The following TMEM266 variants were observed in gnomAD, a reference collection of about 807,000 sequenced individuals.
TMEM266 encodes the protein transmembrane protein 266.
A neutral mutation model predicts 50.5 loss-of-function variants in TMEM266; 33 were observed. The ratio of observed to expected loss-of-function variants is 0.65; its 90% CI spans 0.50 to 0.87. TMEM266 has a LOEUF of 0.87. Ranked by LOEUF, TMEM266 falls within the 40% of genes least tolerant of loss-of-function variation. The pLI, the probability that TMEM266 is intolerant of heterozygous loss-of-function variation, is 0.00. For missense variants in TMEM266, 655 were observed against 695.1 expected, an observed-to-expected ratio of 0.94 and a Z score of 0.65; for synonymous variants, 310 against 292.3, an observed-to-expected ratio of 1.06 and a Z score of -0.62.
chr15:76,181,814 G>A (rs775464305), intron 8 of TMEM266, among the ~76,000 whole-genome samples: 4 of 152,216 alleles, frequency 2.6e-5, no homozygotes, highest in Admixed American at 6.5e-5. Context: ...GAGGTTTTAT[G>A]TACCTCCATG....
In TMEM266 at chr15:76,087,281, A is replaced by T. The variant is rs148227528; in HGVS notation, c.-97+27265A>T. Among the ~76,000 whole-genome samples, 186 of 152,246 alleles carry T rather than the reference A, an allele frequency of 1.2e-3. No homozygotes were observed. The East Asian group carries it at 0.029, about 24-fold the overall frequency. On this transcript the variant is annotated intron_variant, in intron 1 of 10. Transcript: ENST00000388942. ...TGCAGCTGAAAAATTTTAAGGCTAG[A>T]ATTTAAGAAGTGGCAGTGGGGATGG...
intron 1 of TMEM266, among the ~76,000 whole-genome samples, chr15:76,085,274 TTG>T: frequency 6.6e-6 from 1 of 150,434 alleles, no homozygotes; most frequent in Non-Finnish European, 1.5e-5. Flanking sequence ...TTTTTTTTTT[TTG>T]AGACGGAGTC....
At chr15:76,087,727 G>A (rs965791654) in intron 1 of TMEM266, among the ~76,000 whole-genome samples, 5 of 152,152 alleles carry the variant, frequency 3.3e-5, no homozygotes, top group Non-Finnish European at 2.9e-5. Flanking sequence ...GCCCTTGAAG[G>A]AATCCTGGGA....
chr15:76,202,659 C>T (rs1384050520), intron 10 of TMEM266, among the ~76,000 whole-genome samples: 1 of 152,066 alleles, frequency 6.6e-6, no homozygotes, highest in Non-Finnish European at 1.5e-5. Context: ...GCCTTGGGTA[C>T]ATTCCTGCTG....
intron 3 of TMEM266, among the ~76,000 whole-genome samples, chr15:76,154,540 A>T (rs2037894608): frequency 6.6e-6 from 1 of 151,850 alleles, no homozygotes; most frequent in Non-Finnish European, 1.5e-5. Flanking sequence ...CTCTCTTTTG[A>T]CCTGGCTGAT....
intron 2 of TMEM266, among the ~76,000 whole-genome samples, chr15:76,136,748 T>C (rs2037595085): frequency 6.6e-6 from 1 of 152,048 alleles, no homozygotes; most frequent in Non-Finnish European, 1.5e-5. Flanking sequence ...TAAGGGGAAG[T>C]TTTCTAGTCC....
chr15:76,123,282 G>A (rs893699723), intron 1 of TMEM266, among the ~76,000 whole-genome samples: 26 of 152,158 alleles, frequency 1.7e-4, no homozygotes, highest in Non-Finnish European at 3.8e-4. Context: ...ACAACAAGGA[G>A]GACCAGCATC....
At chr15:76,126,841 CT>C (rs927833121) in intron 1 of TMEM266, among the ~76,000 whole-genome samples, 2 of 151,712 alleles carry the variant, frequency 1.3e-5, no homozygotes, top group East Asian at 3.9e-4. Context: ...TATGTAGAAT[CT>C]TTTTTTTAAA....
At chr15:76,070,981 A>G (rs1487928523) in intron 1 of TMEM266, among the ~76,000 whole-genome samples, 1 of 152,202 alleles carries the variant, frequency 6.6e-6, no homozygotes, top group Admixed American at 6.5e-5. Context: ...CAGACTCAGG[A>G]GTTTGTCTTA....
chr15:76,116,858 T>G (rs1455817891), intron 1 of TMEM266, among the ~76,000 whole-genome samples: 1 of 152,206 alleles, frequency 6.6e-6, no homozygotes, highest in East Asian at 1.9e-4. Context: ...TCAGCCATTT[T>G]GTTTGAAGTA....
At chr15:76,182,938 A>G (rs944210906) in intron 8 of TMEM266, among the ~76,000 whole-genome samples, 2 of 151,962 alleles carry the variant, frequency 1.3e-5, no homozygotes, top group African/African-American at 4.8e-5. Flanking sequence ...AGGGTGAGTA[A>G]CACCAGTTGT....
intron 1 of TMEM266, among the ~76,000 whole-genome samples, chr15:76,128,883 G>A (rs747217505): frequency 1.3e-5 from 2 of 152,036 alleles, no homozygotes; most frequent in Non-Finnish European, 2.9e-5. Flanking sequence ...CTGCTCCTCC[G>A]CTCAACCCAT....
intron 1 of TMEM266, among the ~76,000 whole-genome samples, chr15:76,132,909 T>G (rs1478359231): frequency 6.9e-6 from 1 of 144,728 alleles, no homozygotes; most frequent in African/African-American, 2.6e-5. Context: ...CTGAGGTAGG[T>G]TGATCACTTG....
At chr15:76,179,428 G>A (rs201490672) in intron 8 of TMEM266, among the ~76,000 whole-genome samples, 10 of 152,148 alleles carry the variant, frequency 6.6e-5, no homozygotes, top group East Asian at 3.8e-4. Flanking sequence ...GTGGCAGCTC[G>A]CCTTGGGGGC....
chr15:76,096,930 T>C, intron 1 of TMEM266, among the ~76,000 whole-genome samples: 1 of 132,886 alleles, frequency 7.5e-6, no homozygotes, highest in Middle Eastern at 3.5e-3. Context: ...ATGCAACTCC[T>C]GATTTTTTTT....
chr15:76,200,666 TG>T (rs941726673), intron 9 of TMEM266, among the ~76,000 whole-genome samples: 20 of 152,158 alleles, frequency 1.3e-4, no homozygotes, highest in Admixed American at 4.6e-4. Flanking sequence ...CCACAGGGCC[TG>T]GGGGTCCTGA....
intron 1 of TMEM266, among the ~76,000 whole-genome samples, chr15:76,070,087 A>C (rs1254630943): frequency 2.0e-5 from 3 of 152,214 alleles, no homozygotes; most frequent in Non-Finnish European, 4.4e-5. Flanking sequence ...AATCTGAAAA[A>C]CAGTGACTTA....
intron 9 of TMEM266, among the ~76,000 whole-genome samples, chr15:76,198,774 CA>C (rs747888784): frequency 7.2e-5 from 11 of 152,248 alleles, no homozygotes; most frequent in Non-Finnish European, 1.5e-4. Flanking sequence ...CCCAAGTGTT[CA>C]GTTCTGGAAG....
intron 9 of TMEM266, among the ~76,000 whole-genome samples, chr15:76,198,993 C>T (rs961004890): frequency 2.0e-5 from 3 of 152,240 alleles, no homozygotes; most frequent in Non-Finnish European, 4.4e-5. Flanking sequence ...CTAGGGACCT[C>T]GGCTCTGTGT....
Sources: allele counts gnomAD v4.1 joint callset (sites outside exome capture counted in the v4.1 genomes callset), GRCh38; gene constraint gnomAD v4.1.1; transcripts MANE v1.5; gene names NCBI Gene and HGNC (gene_info 2026-07-23, HGNC 2026-07-21).